The following CDK10 variants were observed in gnomAD, a reference collection of about 807,000 sequenced individuals.
CDK10 encodes cyclin dependent kinase 10, also known as cyclin-dependent kinase 10.
Under a neutral mutation model 51.0 loss-of-function variants are expected in CDK10, and 55 were observed. That is an observed-to-expected ratio of 1.08 (90% CI 0.87 to 1.35). The LOEUF (loss-of-function observed/expected upper bound fraction) is 1.35. Ranked by LOEUF, CDK10 falls within the 40% of genes most tolerant of loss-of-function variation. The pLI is 0.00. For synonymous variants in CDK10, 255 were observed against 199.1 expected, an observed-to-expected ratio of 1.28 and a Z score of -2.36; for missense variants, 589 against 485.1, an observed-to-expected ratio of 1.21 and a Z score of -2.01.
Position 89,695,868 on chromosome 16 carries a change from G to C in CDK10, c.*176G>C. On this transcript the variant is annotated 3_prime_UTR_variant, in exon 13 of 13. Coordinates refer to ENST00000353379, the MANE Select transcript of CDK10 (RefSeq NM_052988.5). ...TGCCCTGAACCCACTGCTGCCCCCA[G>C]AAAAAGGCCGGGTGACACCGGGGGG... The C allele has an allele frequency of 2.1e-6, 3 of 1,441,494 alleles. No homozygotes were observed. In the East Asian group the frequency reaches 7.4e-5, roughly 36 times the overall value. 89.3% of individuals were successfully genotyped at this position (1,441,494 alleles called of 1,614,324 possible). A position where few individuals can be genotyped will look rare whatever the true frequency, so the allele number is the denominator to read the frequency against.
intron 3 of CDK10, 35 bp from the exon 4 acceptor site, chr16:89,691,408 G>T (rs778233593): frequency 6.6e-5 from 100 of 1,520,024 alleles, no homozygotes; most frequent in Non-Finnish European, 8.6e-5. Context: ...CGCCATCACT[G>T]GGGTGGGGCT....
Position 89,689,250 on chromosome 16 carries a change from A to G in CDK10, c.88-2A>G. On this transcript the variant is annotated splice_acceptor_variant, in intron 1 of 12. Transcript: ENST00000353379. LOFTEE classifies it high-confidence loss of function. Reference sequence around the variant, plus strand: ...CACACTGGCAACACCCTTCTGTTTCAGCTGGGACGATGCCGGAGTGTGAAG... The same window carrying G: ...CACACTGGCAACACCCTTCTGTTTCGGCTGGGACGATGCCGGAGTGTGAAG... 2 of 1,614,052 alleles carry G rather than the reference A, an allele frequency of 1.2e-6. No homozygotes were observed. The highest frequency in any genetic ancestry group is 1.7e-6 in the Non-Finnish European group (2 of 1,179,946).
rs1283095515 is a variant in CDK10 at position 89,695,797 on chromosome 16, C to G, written c.*105C>G. 6.4e-6 allele frequency: 10 copies of G among 1,565,404 alleles called. No homozygotes were observed. The highest frequency in any genetic ancestry group is 6.9e-6 in the Non-Finnish European group (8 of 1,158,762). On this transcript the variant is annotated 3_prime_UTR_variant, in exon 13 of 13. Transcript: ENST00000353379. Reference sequence around the variant, plus strand: ...CTGACCAGGCGCCCGGGATCCAGCTCATCCCCTTGGCTGGGAACATCCTCC... The same window carrying G: ...CTGACCAGGCGCCCGGGATCCAGCTGATCCCCTTGGCTGGGAACATCCTCC...
At position 89,686,770 on chromosome 16, in the gene CDK10, C is replaced by G. The variant is rs776828556; in HGVS notation, c.60C>G (p.Gly20=). The G allele has an allele frequency of 6.2e-7, 1 of 1,612,418 alleles. No homozygotes were observed. The highest frequency in any genetic ancestry group is 2.2e-5 in the East Asian group (1 of 44,788). Residue 20 remains glycine (G), a synonymous_variant, in exon 1 of 13, where the codon GGC becomes GGG. Coordinates refer to ENST00000353379, the MANE Select transcript of CDK10 (RefSeq NM_052988.5). ...QIRLKCIRKE[G]FFTVPPEHRL... ...GTCTGAAGTGTATTCGTAAGGAGGG[C>G]TTCTTCACGGTGCCTCCGGAACACA...
At position 89,691,518 on chromosome 16, in the gene CDK10, A is replaced by T. The variant is rs1162895099; in HGVS notation, c.308A>T (p.Glu103Val). 6.2e-7 allele frequency: 1 copy of T among 1,613,922 alleles called. No individual in the cohort carries two copies. Among genetic ancestry groups the T allele is most frequent in the South Asian group, 1.1e-5 (1 of 91,070 alleles). The change falls in exon 4 of 13, where the codon GAG (glutamate) becomes GTG (valine). Residue 103 changes from glutamate to valine, a missense_variant. Coordinates refer to ENST00000353379, the MANE Select transcript of CDK10 (RefSeq NM_052988.5). ...CATCCGAACATCGTGGAGCTGAAGG[A>T]GGTGGTTGTGGGGAACCACCTGGAG... is the stretch of plus-strand genomic sequence containing the variant. ...LRHPNIVELKEVVVGNHLESI... is the reference protein window; with the variant it reads ...LRHPNIVELKVVVVGNHLESI...
rs368047070 is a variant in CDK10, at chr16:89,695,086, C to G, written c.932+16C>G. ...CTAAGAAAAGGTGCTGATCTCTGCA[C>G]GGGGGGCAGGGACCCTCACCACCCA... On this transcript the variant is annotated intron_variant, in intron 11 of 12. Coordinates refer to ENST00000353379, the MANE Select transcript of CDK10 (RefSeq NM_052988.5). 1.2e-6 allele frequency: 2 copies of G among 1,607,458 alleles called. No homozygotes were observed. Among genetic ancestry groups the G allele is most frequent in the East Asian group, 4.5e-5 (2 of 44,828 alleles).
At chr16:89,694,617 CG>C in intron 9 of CDK10, 47 bp from the exon 10 acceptor site, 1 of 1,560,630 alleles carries the variant, frequency 6.4e-7, no homozygotes, top group Non-Finnish European at 8.6e-7. Context: ...CTCGCGCTGG[CG>C]GGGTCAGCAG....
At chr16:89,694,363 C>T (rs1266645421) in intron 9 of CDK10, 131 bp downstream of exon 9, 1 of 1,023,242 alleles carries the variant, frequency 9.8e-7, no homozygotes, top group Non-Finnish European at 1.5e-6. Flanking sequence ...CTCCCACTCC[C>T]AGGGAGGTGG....
In CDK10 at chr16:89,689,341, A is replaced by AG; in HGVS notation, c.160+19dup. Reference sequence around the variant, plus strand: ...GCATTGTGTGTGAGTGGCCAAGGCTAGGACATGTGGCCGCAGCTCGTGGCT... The same window carrying AG: ...GCATTGTGTGTGAGTGGCCAAGGCTAGGGACATGTGGCCGCAGCTCGTGGCT... On this transcript the variant is annotated intron_variant, in intron 2 of 12. Coordinates refer to ENST00000353379, the MANE Select transcript of CDK10 (RefSeq NM_052988.5). The AG allele has an allele frequency of 6.2e-7, 1 of 1,609,340 alleles. No homozygotes were observed. The highest frequency in any genetic ancestry group is 1.7e-4 in the Middle Eastern group (1 of 6,018).
Position 89,690,581 on chromosome 16 carries a change from G to C in CDK10, c.189G>C (p.Glu63Asp), listed in dbSNP as rs1342365016. Residue 63 changes from glutamate (E) to aspartate (D), a missense_variant, in exon 3 of 13, where the codon GAG becomes GAC. Coordinates refer to ENST00000353379, the MANE Select transcript of CDK10 (RefSeq NM_052988.5). ...GGGCCCGGGACACCCAGACAGATGA[G>C]ATTGTCGCACTGAAGAAGGTGCGGA... ...VYRARDTQTD[E>D]IVALKKVRMD... 2 of 1,614,194 alleles carry C rather than the reference G, an allele frequency of 1.2e-6. No homozygotes were observed. The highest frequency in any genetic ancestry group is 2.2e-5 in the South Asian group (2 of 91,086).
chr16:89,695,124 C>G, intron 11 of CDK10, 54 bp downstream of exon 11: 1 of 1,575,736 alleles, frequency 6.3e-7, no homozygotes, highest in Admixed American at 1.7e-5. Context: ...CTGTCCAGAC[C>G]GTTTCCCAGA....
At chr16:89,694,624 A>G in intron 9 of CDK10, 41 bp from the exon 10 acceptor site, 1 of 1,564,418 alleles carries the variant, frequency 6.4e-7, no homozygotes, top group Non-Finnish European at 8.6e-7. Context: ...TGGCGGGGTC[A>G]GCAGACGTCT....
At chr16:89,686,929 C>A (rs977657487) in intron 1 of CDK10, 132 bp downstream of exon 1, 6 of 734,746 alleles carry the variant, frequency 8.2e-6, no homozygotes, top group South Asian at 2.1e-5. Flanking sequence ...CCCAGAGTTC[C>A]CCGCGGCGGG....
In CDK10 at chr16:89,686,705, C is replaced by T. The variant is rs767677171; in HGVS notation, c.-6C>T. 1.0e-5 allele frequency: 16 copies of T among 1,582,130 alleles called. No homozygotes were observed. Among genetic ancestry groups the T allele is most frequent in the African/African-American group, 1.4e-5 (1 of 73,876 alleles). ...GCGCGCAAGAGAGGCGGGGCCAGCG[C>T]TCGGCATGGCGGAGCCAGATCTGGA... On this transcript the variant is annotated 5_prime_UTR_variant, in exon 1 of 13. Transcript: ENST00000353379.
At chr16:89,690,969 G>A (rs973196323) in intron 3 of CDK10, among the ~76,000 whole-genome samples, 18 of 152,194 alleles carry the variant, frequency 1.2e-4, no homozygotes, top group African/African-American at 3.1e-4. Flanking sequence ...GTGCCGATTC[G>A]TATTTGGTCA....
chr16:89,694,527 T>TCCTTCACAGTGTCCCTGACCCAGC (rs1344051507), intron 9 of CDK10, 138 bp from the exon 10 acceptor site: 6 of 1,459,268 alleles, frequency 4.1e-6, no homozygotes, highest in Non-Finnish European at 4.6e-6. Context: ...TCCCTGCCTG[T>TCCTTCACAGTGTCCCTGACCCAGC]CCTTCACAGT....
In CDK10 at chr16:89,689,258, C is replaced by G. The variant is rs754738309; in HGVS notation, c.94C>G (p.Arg32Gly). Residue 32 changes from arginine to glycine, a missense_variant, in exon 2 of 13, where the codon CGA becomes GGA. Physicochemically the swap from Arg to Gly is moderately radical, Grantham distance 125. Transcript: ENST00000353379. ...FTVPPEHRLG[R>G]CRSVKEFEKL... ...CAACACCCTTCTGTTTCAGCTGGGA[C>G]GATGCCGGAGTGTGAAGGAGTTTGA... 1 of 1,614,024 alleles carries G rather than the reference C, an allele frequency of 6.2e-7. No individual in the cohort carries two copies. Among genetic ancestry groups the G allele is most frequent in the Non-Finnish European group, 8.5e-7 (1 of 1,179,948 alleles).
In CDK10 at chr16:89,695,302, C is replaced by G. The variant is rs141126939; in HGVS notation, c.942C>G (p.Ala314=). The G allele has an allele frequency of 6.2e-7, 1 of 1,611,328 alleles. No homozygotes were observed. The highest frequency in any genetic ancestry group is 8.5e-7 in the Non-Finnish European group (1 of 1,178,462). The change falls in exon 12 of 13, where the codon GCC becomes GCG. Residue 314 remains alanine (A), a synonymous_variant. Transcript: ENST00000353379. ...FMYDPKKRAT[A]GDCLESSYFK... is the part of the protein sequence containing the mutation. ...AGGCTGCCTCCTCCAGGGCGACGGC[C>G]GGGGACTGCCTGGAGAGCTCCTATT... is the stretch of plus-strand genomic sequence containing the variant.
chr16:89,694,383 TG>T (rs1301894683), intron 9 of CDK10, 151 bp downstream of exon 9: 1 of 933,964 alleles, frequency 1.1e-6, no homozygotes, highest in East Asian at 2.6e-5. Flanking sequence ...GGCCTGAGCC[TG>T]GAAACCCAGG....
Sources: allele counts gnomAD v4.1 joint callset (sites outside exome capture counted in the v4.1 genomes callset), GRCh38; gene constraint gnomAD v4.1.1; transcripts MANE v1.5; gene names NCBI Gene and HGNC (gene_info 2026-07-23, HGNC 2026-07-21).